The following OSBPL8 variants were observed in gnomAD, a reference collection of about 807,000 sequenced individuals.
OSBPL8 encodes oxysterol-binding protein-related protein 8.
In OSBPL8, 59 loss-of-function variants were observed where a neutral mutation model predicts 125.5. That is an observed-to-expected ratio of 0.47 (90% CI 0.38 to 0.58). The LOEUF is 0.58. Ranked by LOEUF, OSBPL8 falls within the 20% of genes least tolerant of loss-of-function variation. The pLI is 0.00. For missense variants in OSBPL8, 758 were observed against 1,047.8 expected (o/e 0.72, Z 3.82); for synonymous variants, 330 against 338.9 (o/e 0.97, Z 0.29).
chr12:76,450,751 A>C, intron 4 of OSBPL8, 100 bp downstream of exon 4: 1 of 1,268,202 alleles, frequency 7.9e-7, no homozygotes, highest in Non-Finnish European at 1.1e-6. Context: ...AATAGTTAAA[A>C]AGAAAAAAAA....
At chr12:76,461,885 A>C (rs1217271288) in intron 2 of OSBPL8, among the ~76,000 whole-genome samples, 1 of 152,184 alleles carries the variant, frequency 6.6e-6, no homozygotes, top group Non-Finnish European at 1.5e-5. Context: ...TTGTTGTTTT[A>C]TGCCACTTAA....
chr12:76,559,647 C>G lies in OSBPL8; in HGVS notation c.-318G>C, dbSNP rs2137569560. 6.6e-6 allele frequency: 1 copy of G among 152,374 alleles called. No homozygotes were observed. The highest frequency in any genetic ancestry group is 2.1e-4 in the South Asian group (1 of 4,830). The allele number at this position is 152,374 out of a possible 1,614,324, so 9.4% of individuals were successfully genotyped here. On this transcript the variant is annotated 5_prime_UTR_variant, in exon 1 of 24. Coordinates refer to ENST00000261183, the MANE Select transcript of OSBPL8 (RefSeq NM_020841.5). ...GTCCACCAGCCCGGGCGGACCCCCA[C>G]CTTCCCTCAGTCGGCTTGCTACCGG...
At chr12:76,521,428 T>C (rs1156830091) in intron 1 of OSBPL8, among the ~76,000 whole-genome samples, 1 of 152,148 alleles carries the variant, frequency 6.6e-6, no homozygotes, top group African/African-American at 2.4e-5. Flanking sequence ...AATTACTATA[T>C]GATCCAGCAA....
At chr12:76,449,291 C>T (rs899028316) in intron 4 of OSBPL8, among the ~76,000 whole-genome samples, 5 of 152,096 alleles carry the variant, frequency 3.3e-5, no homozygotes, top group Admixed American at 2.6e-4. Flanking sequence ...AGGAGATTTC[C>T]GTACATTTGA....
intron 1 of OSBPL8, among the ~76,000 whole-genome samples, chr12:76,508,454 T>C (rs1880647171): frequency 6.6e-6 from 1 of 152,164 alleles, no homozygotes; most frequent in African/African-American, 2.4e-5. Context: ...GGTGACATTG[T>C]CAGTTGCGTT....
chr12:76,425,251 G>A (rs1325406868), intron 4 of OSBPL8, among the ~76,000 whole-genome samples: 9 of 152,118 alleles, frequency 5.9e-5, no homozygotes, highest in Non-Finnish European at 1.3e-4. Context: ...TATTTTCTAT[G>A]TACCATTTAA....
At chr12:76,365,689 G>A (rs1592527992) in intron 21 of OSBPL8, among the ~76,000 whole-genome samples, 2 of 152,064 alleles carry the variant, frequency 1.3e-5, no homozygotes, top group South Asian at 4.1e-4. Context: ...TTACGGGGAA[G>A]GTTTTCAACC....
chr12:76,532,627 T>C (rs558997532), intron 1 of OSBPL8, among the ~76,000 whole-genome samples: 51 of 152,036 alleles, frequency 3.4e-4, no homozygotes, highest in African/African-American at 1.1e-3. Context: ...TCTGTTAACA[T>C]CCACCTTGAT....
chr12:76,485,975 A>G (rs2137019830), intron 2 of OSBPL8: 1 of 391,344 alleles, frequency 2.6e-6, no homozygotes, highest in East Asian at 7.2e-5. Context: ...ATTAAGTTCT[A>G]CAGACAAGGC....
At chr12:76,485,375 C>T (rs1878017159) in intron 2 of OSBPL8, among the ~76,000 whole-genome samples, 1 of 151,916 alleles carries the variant, frequency 6.6e-6, no homozygotes, top group Non-Finnish European at 1.5e-5. Flanking sequence ...AGTTTGAGAC[C>T]ATCCTGACCA....
intron 5 of OSBPL8, among the ~76,000 whole-genome samples, chr12:76,403,846 T>C (rs1245707552): frequency 6.6e-6 from 1 of 152,128 alleles, no homozygotes; most frequent in Non-Finnish European, 1.5e-5. Flanking sequence ...TAAGAACAGA[T>C]AACACATTTA....
chr12:76,418,338 A>G (rs1869001407), intron 4 of OSBPL8, among the ~76,000 whole-genome samples: 1 of 152,002 alleles, frequency 6.6e-6, no homozygotes, highest in South Asian at 2.1e-4. Flanking sequence ...CCTTTCTCCA[A>G]AGTATTCTGT....
chr12:76,433,445 A>G (rs1163514740), intron 4 of OSBPL8, among the ~76,000 whole-genome samples: 1 of 152,166 alleles, frequency 6.6e-6, no homozygotes, highest in Non-Finnish European at 1.5e-5. Flanking sequence ...TTATAAAAAC[A>G]ATCCCAGTTA....
chr12:76,483,660 CTTTTTTTTTTTTTTT>C lies in OSBPL8; in HGVS notation c.42+3835_42+3849del, dbSNP rs869202382. ...CTCACCCCAAGATCACTGTAATAGT[CTTTTTTTTTTTTTTT>C]TTTTTTTTTTTTTTTTGAGACAGCA... On this transcript the variant is annotated intron_variant, in intron 2 of 23. Transcript: ENST00000261183. Among the ~76,000 whole-genome samples the C allele has an allele frequency of 1.0e-4, 6 of 57,438 alleles. No individual in the cohort carries two copies. The Admixed American group carries it at 1.1e-3, about 11-fold the overall frequency. The allele number at this position is 57,438 out of a possible 152,430, so 37.7% of individuals were successfully genotyped here. A position where few individuals can be genotyped will look rare whatever the true frequency, so the allele number is the denominator to read the frequency against.
At chr12:76,547,158 AAAG>A in intron 1 of OSBPL8, among the ~76,000 whole-genome samples, 1 of 152,376 alleles carries the variant, frequency 6.6e-6, no homozygotes, top group South Asian at 2.1e-4. Context: ...GCTGTAGAAG[AAAG>A]AACTTCAAAA....
At chr12:76,508,406 G>A (rs1880641812) in intron 1 of OSBPL8, among the ~76,000 whole-genome samples, 1 of 152,154 alleles carries the variant, frequency 6.6e-6, no homozygotes, top group African/African-American at 2.4e-5. Context: ...TTACTATGAA[G>A]CTGAAAATTT....
At chr12:76,419,640 A>G (rs1869216553) in intron 4 of OSBPL8, among the ~76,000 whole-genome samples, 1 of 152,210 alleles carries the variant, frequency 6.6e-6, no homozygotes, top group Admixed American at 6.5e-5. Context: ...CTCTTCATAT[A>G]AAAAGAAAAA....
At chr12:76,410,991 A>C (rs143576490) in intron 4 of OSBPL8, among the ~76,000 whole-genome samples, 1 of 152,332 alleles carries the variant, frequency 6.6e-6, no homozygotes, top group East Asian at 1.9e-4. Context: ...TCTGGTCAAA[A>C]TGGAAAACAA....
At position 76,459,908 on chromosome 12, in the gene OSBPL8, G is replaced by C. The variant is rs752323280; in HGVS notation, c.43-13C>G. Reference sequence around the variant, plus strand: ...TATCACCAAGAAGCTTTTAAGGCAGGGTAATTGAGCAGCAAACAAATACAG... The same window carrying C: ...TATCACCAAGAAGCTTTTAAGGCAGCGTAATTGAGCAGCAAACAAATACAG... On this transcript the variant is annotated splice_polypyrimidine_tract_variant and intron_variant, in intron 2 of 23. Transcript: ENST00000261183. 6.2e-7 allele frequency: 1 copy of C among 1,613,362 alleles called. No homozygotes were observed. Among genetic ancestry groups the C allele is most frequent in the Non-Finnish European group, 8.5e-7 (1 of 1,179,848 alleles).
Sources: allele counts gnomAD v4.1 joint callset (sites outside exome capture counted in the v4.1 genomes callset), GRCh38; gene constraint gnomAD v4.1.1; transcripts MANE v1.5; gene names NCBI Gene and HGNC (gene_info 2026-07-23, HGNC 2026-07-21).